The following ESRRB variants were observed in gnomAD, a reference collection of about 807,000 sequenced individuals.
ESRRB encodes estrogen related receptor beta.
ESRRB carries 16 observed loss-of-function variants against 46.0 expected under a neutral mutation model. That is an observed-to-expected ratio of 0.35 (90% CI 0.24 to 0.53). The LOEUF (loss-of-function observed/expected upper bound fraction) is 0.53. Ranked by LOEUF, ESRRB falls within the 20% of genes least tolerant of loss-of-function variation. The probability of loss-of-function intolerance (pLI) is 0.93; values close to 1 mark genes in which losing one functional copy is unlikely to be tolerated. For synonymous variants in ESRRB, 246 were observed against 259.6 expected (o/e 0.95, Z 0.50); for missense variants, 488 against 607.4 (o/e 0.80, Z 2.07).
intron 1 of ESRRB, among the ~76,000 whole-genome samples, chr14:76,399,468 T>A (rs1885843019): frequency 6.6e-6 from 1 of 152,094 alleles, no homozygotes; most frequent in African/African-American, 2.4e-5. Context: ...TCCCCGCCGC[T>A]CATTCCTCCT....
intron 2 of ESRRB, among the ~76,000 whole-genome samples, chr14:76,462,293 A>G (rs1209327379): frequency 6.6e-6 from 1 of 152,180 alleles, no homozygotes; most frequent in African/African-American, 2.4e-5. Context: ...AGTGGCTTCA[A>G]CACTGTGGGT....
chr14:76,444,625 A>T (rs1888055971), intron 2 of ESRRB, among the ~76,000 whole-genome samples: 2 of 152,076 alleles, frequency 1.3e-5, no homozygotes, highest in African/African-American at 4.8e-5. Context: ...GCCTCAAGCA[A>T]TTCTCTTGCC....
intron 1 of ESRRB, among the ~76,000 whole-genome samples, chr14:76,378,207 C>G (rs75937369): frequency 1.3e-5 from 2 of 152,318 alleles, no homozygotes; most frequent in East Asian, 3.9e-4. Context: ...TTGTCCCTGG[C>G]TCAAGTCATA....
At chr14:76,415,370 G>C (rs898446539) in intron 1 of ESRRB, among the ~76,000 whole-genome samples, 2 of 152,102 alleles carry the variant, frequency 1.3e-5, no homozygotes, top group African/African-American at 4.8e-5. Flanking sequence ...ATATCAAATA[G>C]AGATAGGATG....
chr14:76,395,004 G>A (rs1307305206), intron 1 of ESRRB, among the ~76,000 whole-genome samples: 3 of 152,218 alleles, frequency 2.0e-5, no homozygotes, highest in African/African-American at 7.2e-5. Flanking sequence ...CACAGGTTTT[G>A]CTGCCATCAT....
At chr14:76,403,730 A>G (rs1172901950) in intron 1 of ESRRB, among the ~76,000 whole-genome samples, 1 of 149,688 alleles carries the variant, frequency 6.7e-6, no homozygotes, top group African/African-American at 2.4e-5. Flanking sequence ...GAGCAGGACC[A>G]TCTTTTTTTT....
chr14:76,354,368 C>T (rs942522826), intron 1 of ESRRB, among the ~76,000 whole-genome samples: 6 of 152,010 alleles, frequency 3.9e-5, no homozygotes, highest in Admixed American at 6.6e-5. Flanking sequence ...CTGCCTAGTA[C>T]GATGCCAGGG....
chr14:76,476,085 A>AT (rs898064240), intron 3 of ESRRB, among the ~76,000 whole-genome samples: 69 of 149,170 alleles, frequency 4.6e-4, no homozygotes, highest in Middle Eastern at 3.5e-3. Context: ...TTTTTTATTA[A>AT]TTTTTTTTTT....
chr14:76,495,715 C>T (rs954779563), intron 6 of ESRRB: 7 of 151,810 alleles, frequency 4.6e-5, no homozygotes, highest in African/African-American at 7.3e-5. Context: ...CAATCCATTA[C>T]GGACAGATCA....
At chr14:76,357,938 A>G (rs1471512443) in intron 1 of ESRRB, among the ~76,000 whole-genome samples, 1 of 152,202 alleles carries the variant, frequency 6.6e-6, no homozygotes, top group Non-Finnish European at 1.5e-5. Context: ...CACTGAAATA[A>G]TTTTGGTGTA....
chr14:76,388,766 G>A (rs1029406157), intron 1 of ESRRB, among the ~76,000 whole-genome samples: 1 of 152,270 alleles, frequency 6.6e-6, no homozygotes, highest in South Asian at 2.1e-4. Context: ...CCACTCAGTG[G>A]TTTGACCCCC....
In ESRRB at chr14:76,463,445, G is replaced by GTTTTGTTTTTTTTTTTT. The variant is rs1555342250; in HGVS notation, c.577+788_577+789insGTTTTTTTTTTTTTTTT. The GTTTTGTTTTTTTTTTTT allele has an allele frequency of 5.1e-4, 58 of 114,694 alleles. 5 individuals carry two copies. Among genetic ancestry groups the GTTTTGTTTTTTTTTTTT allele is most frequent in the African/African-American group, 2.0e-3 (54 of 27,276 alleles). 7.1% of individuals were successfully genotyped at this position (114,694 alleles called of 1,614,324 possible). ...TGAAATTAGCATCACATGCTTCTTT[G>GTTTTGTTTTTTTTTTTT]TTTTTTTTTTTTTTTTTTGGAGACG... On this transcript the variant is annotated intron_variant, in intron 3 of 6. Transcript: ENST00000644823.
Position 76,498,263 on chromosome 14 carries a change from G to A in ESRRB, c.1170G>A (p.Leu390=). Residue 390 remains leucine (L), a synonymous_variant, in exon 7 of 7, where the codon CTG becomes CTA. Coordinates refer to ENST00000644823, the MANE Select transcript of ESRRB (RefSeq NM_001379180.1). ...AGGCTGTCCAGAAGCTGCAGGACCT[G>A]CTGCACGAGGCACTGCAGGACTACG... ...DLEAVQKLQD[L]LHEALQDYEL... The A allele has an allele frequency of 6.2e-7, 1 of 1,613,840 alleles. No individual in the cohort carries two copies. Among genetic ancestry groups the A allele is most frequent in the Non-Finnish European group, 8.5e-7 (1 of 1,179,972 alleles).
In ESRRB at chr14:76,390,315, C is replaced by T. The variant is rs576208293; in HGVS notation, c.50+13864C>T. On this transcript the variant is annotated intron_variant, in intron 1 of 6. Transcript: ENST00000644823. ...ACCAGCCTGGCCAACATGGTGAAAC[C>T]CCATCTCTATTAAAAATACAAAAAT... 1.0e-3 allele frequency among the ~76,000 whole-genome samples: 152 copies of T among 152,182 alleles called. 2 individuals carry two copies. Among genetic ancestry groups the T allele is most frequent in the South Asian group, 4.8e-3 (23 of 4,820 alleles).
upstream of ESRRB, among the ~76,000 whole-genome samples, chr14:76,369,702 C>T (rs957726680): frequency 6.6e-6 from 1 of 152,092 alleles, no homozygotes; most frequent in African/African-American, 2.4e-5. Flanking sequence ...GAAGTTCTAC[C>T]TTAATTGAGC....
intron 1 of ESRRB, among the ~76,000 whole-genome samples, chr14:76,400,350 C>T (rs1257366692): frequency 1.3e-5 from 2 of 152,182 alleles, no homozygotes. Context: ...GGGCAGAGAA[C>T]TCTGAATAGT....
chr14:76,319,760 G>A (rs1387707406), intron 1 of ESRRB, among the ~76,000 whole-genome samples: 2 of 151,940 alleles, frequency 1.3e-5, no homozygotes, highest in East Asian at 1.9e-4. Flanking sequence ...GTCTTTCTTC[G>A]GCACAATCTT....
At chr14:76,374,504 T>G (rs1263710091), upstream of ESRRB, among the ~76,000 whole-genome samples, 1 of 152,034 alleles carries the variant, frequency 6.6e-6, no homozygotes, top group African/African-American at 2.4e-5. Flanking sequence ...ACTGGGGCCT[T>G]TTTCCTAATT....
At chr14:76,362,643 G>A (rs1010508630) in intron 1 of ESRRB, among the ~76,000 whole-genome samples, 1 of 152,206 alleles carries the variant, frequency 6.6e-6, no homozygotes, top group Non-Finnish European at 1.5e-5. Flanking sequence ...ATTTGTAGTC[G>A]TGATGCTTCT....
Sources: gnomAD v4.1 joint callset for allele counts (sites outside exome capture counted in the v4.1 genomes callset) on GRCh38, gnomAD v4.1.1 for gene constraint, MANE v1.5 for transcripts, NCBI Gene and HGNC (gene_info 2026-07-23, HGNC 2026-07-21) for gene names.